The following LURAP1L variants were observed in gnomAD, a reference collection of about 807,000 sequenced individuals.
LURAP1L encodes the protein leucine rich adaptor protein 1-like.
In LURAP1L, 12 loss-of-function variants were observed where a neutral mutation model predicts 13.8. That is an observed-to-expected ratio of 0.87 (90% confidence interval 0.56 to 1.41). LURAP1L has a LOEUF of 1.41. Ranked by LOEUF, LURAP1L falls within the 40% of genes most tolerant of loss-of-function variation. LURAP1L has a pLI of 0.00. For synonymous variants in LURAP1L, 139 were observed against 119.2 expected (o/e 1.17, Z -1.08); for missense variants, 375 against 292.9 (o/e 1.28, Z -2.04).
At position 12,788,010 on chromosome 9, in the gene LURAP1L, G is replaced by A. The variant is rs186380564; in HGVS notation, c.312+11983G>A. Reference sequence around the variant, plus strand: ...GCCTGTAATCTCAGCTACTCAGGAGGCTGAAGCAGGAGAATTGCATGAACC... The same window carrying A: ...GCCTGTAATCTCAGCTACTCAGGAGACTGAAGCAGGAGAATTGCATGAACC... On this transcript the variant is annotated intron_variant, in intron 1 of 1. Coordinates refer to ENST00000319264, the MANE Select transcript of LURAP1L (RefSeq NM_203403.2). 8.5e-5 allele frequency among the ~76,000 whole-genome samples: 13 copies of A among 152,058 alleles called. 1 individual carries two copies. The highest frequency in any genetic ancestry group is 1.3e-4 in the Admixed American group (2 of 15,258).
At chr9:12,801,166 C>T (rs891148470) in intron 1 of LURAP1L, among the ~76,000 whole-genome samples, 1 of 151,968 alleles carries the variant, frequency 6.6e-6, no homozygotes, top group Non-Finnish European at 1.5e-5. Context: ...GAGAATGTGG[C>T]CTCTTAATTG....
At chr9:12,777,245 G>C in intron 1 of LURAP1L, 1 of 985,372 alleles carries the variant, frequency 1.0e-6, no homozygotes, top group Non-Finnish European at 1.2e-6. Context: ...TAATGGAGAA[G>C]CTGGAAAGTG....
intron 1 of LURAP1L, among the ~76,000 whole-genome samples, chr9:12,786,581 T>TATATATATATATATATATATATAA (rs61134838): frequency 8.2e-6 from 1 of 121,438 alleles, no homozygotes; most frequent in Non-Finnish European, 1.8e-5. Flanking sequence ...TATATATATA[T>TATATATATATATATATATATATAA]AAACCCTTGT....
chr9:12,811,899 T>A (rs1156739697), intron 1 of LURAP1L, among the ~76,000 whole-genome samples: 1 of 152,128 alleles, frequency 6.6e-6, no homozygotes, highest in African/African-American at 2.4e-5. Flanking sequence ...GCTGCAGTCA[T>A]CTCAAGGCTC....
intron 1 of LURAP1L, among the ~76,000 whole-genome samples, chr9:12,803,661 AG>A (rs1170741010): frequency 6.6e-6 from 1 of 152,254 alleles, no homozygotes; most frequent in African/African-American, 2.4e-5. Flanking sequence ...GTAAAATTCT[AG>A]GAGAATACTA....
Position 12,781,228 on chromosome 9 carries a change from C to T in LURAP1L, c.312+5201C>T, listed in dbSNP as rs560547581. Among the ~76,000 whole-genome samples the T allele has an allele frequency of 2.6e-5, 4 of 152,272 alleles. No individual in the cohort carries two copies. The East Asian group carries it at 7.7e-4, about 29-fold the overall frequency. On this transcript the variant is annotated intron_variant, in intron 1 of 1. Transcript: ENST00000319264. Reference sequence around the variant, plus strand: ...TCAGGTGATCTGCCTGCCTCGGCCTCCTAAAGTGCTGGGATTACAGGTGTG... The same window carrying T: ...TCAGGTGATCTGCCTGCCTCGGCCTTCTAAAGTGCTGGGATTACAGGTGTG...
At chr9:12,797,968 T>C (rs562753004) in intron 1 of LURAP1L, among the ~76,000 whole-genome samples, 1 of 152,290 alleles carries the variant, frequency 6.6e-6, no homozygotes, top group South Asian at 2.1e-4. Flanking sequence ...AATGAAATTT[T>C]CCCTAAAAAT....
chr9:12,812,159 A>G (rs1217573423), intron 1 of LURAP1L, among the ~76,000 whole-genome samples: 1 of 152,148 alleles, frequency 6.6e-6, no homozygotes, highest in African/African-American at 2.4e-5. Flanking sequence ...ATAGTCTATT[A>G]TTTAGAAATA....
intron 1 of LURAP1L, among the ~76,000 whole-genome samples, chr9:12,821,003 T>C (rs1260244939): frequency 6.6e-6 from 1 of 152,142 alleles, no homozygotes; most frequent in Non-Finnish European, 1.5e-5. Context: ...TTCACCTTCC[T>C]TTTCTCCCCA....
At position 12,796,210 on chromosome 9, in the gene LURAP1L, A is replaced by G. The variant is rs375407438; in HGVS notation, c.312+20183A>G. On this transcript the variant is annotated intron_variant, in intron 1 of 1. Coordinates refer to ENST00000319264, the MANE Select transcript of LURAP1L (RefSeq NM_203403.2). ...CATAATGGTTTCATTTTATAATTAA[A>G]GATCTTTTCTGTTGAAACGTAATGT... 1.2e-4 allele frequency among the ~76,000 whole-genome samples: 19 copies of G among 152,058 alleles called. 1 individual carries two copies. The East Asian group carries it at 2.3e-3, about 19-fold the overall frequency.
chr9:12,782,269 C>T (rs1016513005), intron 1 of LURAP1L, among the ~76,000 whole-genome samples: 4 of 152,154 alleles, frequency 2.6e-5, no homozygotes, highest in Admixed American at 6.5e-5. Flanking sequence ...GATGTGATCC[C>T]ATTTTTCCAT....
At chr9:12,786,582 A>ATATATATATATT (rs55704493) in intron 1 of LURAP1L, among the ~76,000 whole-genome samples, 1 of 113,596 alleles carries the variant, frequency 8.8e-6, no homozygotes, top group South Asian at 3.6e-4. Flanking sequence ...ATATATATAT[A>ATATATATATATT]AACCCTTGTG....
Position 12,793,242 on chromosome 9 carries a change from T to C in LURAP1L, c.312+17215T>C, listed in dbSNP as rs7023533. The stretch of plus-strand genomic sequence containing the variant: ...TTACCACCCTGTCTACCAATGTGCA[T>C]TCTGCTTCAGGGCAATCTTATACCA... On this transcript the variant is annotated intron_variant, in intron 1 of 1. Transcript: ENST00000319264. Among the ~76,000 whole-genome samples the C allele has an allele frequency of 5.0e-3, 761 of 152,204 alleles. 13 individuals carry two copies. Among genetic ancestry groups the C allele is most frequent in the African/African-American group, 0.018 (735 of 41,562 alleles).
At position 12,775,483 on chromosome 9, in the gene LURAP1L, A is replaced by G. The variant is rs553510348; in HGVS notation, c.-233A>G. 5.8e-6 allele frequency: 3 copies of G among 519,862 alleles called. No homozygotes were observed. Among genetic ancestry groups the G allele is most frequent in the African/African-American group, 2.0e-5 (1 of 50,134 alleles). The allele number at this position is 519,862 out of a possible 1,614,324, so 32.2% of individuals were successfully genotyped here. A position where few individuals can be genotyped will look rare whatever the true frequency, so the allele number is the denominator to read the frequency against. ...AGAATGAGGAGATCTTGATCATCTT[A>G]GTGTCGGAGGAGTCGCAGCGGACTG... On this transcript the variant is annotated 5_prime_UTR_variant, in exon 1 of 2. Transcript: ENST00000319264.
intron 1 of LURAP1L, chr9:12,777,339 A>G (rs974454300): frequency 4.1e-6 from 4 of 985,408 alleles, no homozygotes; most frequent in Non-Finnish European, 4.8e-6. Flanking sequence ...GATGCCTGAT[A>G]CCGTATCACA....
At chr9:12,804,683 A>G (rs75569359) in intron 1 of LURAP1L, among the ~76,000 whole-genome samples, 2,364 of 152,272 alleles carry the variant, frequency 0.016, 20 homozygotes, top group Non-Finnish European at 0.022. Context: ...TTTTTTAAAT[A>G]GTAAAAATAT....
At chr9:12,776,993 T>C (rs557952816) in intron 1 of LURAP1L, among the ~76,000 whole-genome samples, 1 of 152,308 alleles carries the variant, frequency 6.6e-6, no homozygotes, top group African/African-American at 2.4e-5. Flanking sequence ...CAGCATTTTC[T>C]ACTAGCTTGG....
intron 1 of LURAP1L, among the ~76,000 whole-genome samples, chr9:12,786,535 GTATATATATGACATATATATATATATA>G (rs1324992877): frequency 5.2e-5 from 2 of 38,268 alleles, no homozygotes; most frequent in Non-Finnish European, 1.0e-4. Flanking sequence ...TGGCTAACAT[GTATATATATGACATATATATATATATA>G]TATATATATA....
At chr9:12,812,009 C>T (rs1819743263) in intron 1 of LURAP1L, among the ~76,000 whole-genome samples, 1 of 152,162 alleles carries the variant, frequency 6.6e-6, no homozygotes. Context: ...CAGTTCCTTA[C>T]TTTATGCATC....
Sources: gnomAD v4.1 joint callset for allele counts (sites outside exome capture counted in the v4.1 genomes callset) on GRCh38, gnomAD v4.1.1 for gene constraint, MANE v1.5 for transcripts, NCBI Gene and HGNC (gene_info 2026-07-23, HGNC 2026-07-21) for gene names.